Variants in DPH6 observed in about 807,000 individuals in gnomAD.
The protein encoded by DPH6 is diphthine--ammonia ligase.
DPH6 carries 33 observed loss-of-function variants against 38.2 expected under a neutral mutation model. The ratio of observed to expected loss-of-function variants is 0.86; its 90% confidence interval spans 0.65 to 1.15. The LOEUF is 1.15. Ranked by LOEUF, DPH6 falls within the 50% of genes most tolerant of loss-of-function variation. The pLI is 0.00. For missense variants in DPH6, 325 were observed against 320.0 expected (o/e 1.02, Z -0.12); for synonymous variants, 108 against 103.0 (o/e 1.05, Z -0.30).
intron 6 of DPH6, among the ~76,000 whole-genome samples, chr15:35,383,980 T>C (rs1035640491): frequency 1.3e-5 from 2 of 152,222 alleles, no homozygotes; most frequent in African/African-American, 2.4e-5. Flanking sequence ...AGTTTAGGTA[T>C]GTGAAGCATC....
chr15:35,237,894 A>T, intron 3 of DPH6: 1 of 1,425,034 alleles, frequency 7.0e-7, no homozygotes, highest in South Asian at 1.2e-5. Context: ...GAGGACGAGG[A>T]GGAGGAGGAA....
chr15:35,410,925 A>C, intron 5 of DPH6, 29 bp from the exon 6 acceptor site: 1 of 1,591,544 alleles, frequency 6.3e-7, no homozygotes, highest in African/African-American at 1.4e-5. Flanking sequence ...TTTTTTAAAG[A>C]TAACTATCAG....
At chr15:35,491,881 C>T (rs1005418233) in intron 3 of DPH6, among the ~76,000 whole-genome samples, 7 of 150,414 alleles carry the variant, frequency 4.7e-5, no homozygotes, top group Non-Finnish European at 1.0e-4. Flanking sequence ...TATATATATA[C>T]ACGTACATAT....
intron 1 of DPH6, 152 bp from the exon 2 acceptor site, chr15:35,542,659 CAAA>C: frequency 1.0e-5 from 7 of 675,844 alleles, no homozygotes; most frequent in Middle Eastern, 9.3e-4. Context: ...AAATCATAAA[CAAA>C]CTGAGCAACC....
intron 3 of DPH6, among the ~76,000 whole-genome samples, chr15:35,531,463 G>A (rs986485724): frequency 6.6e-6 from 1 of 151,986 alleles, no homozygotes; most frequent in African/African-American, 2.4e-5. Context: ...CCCTGTATCC[G>A]ATAATTACAT....
At chr15:35,346,359 T>C in intron 3 of DPH6, among the ~76,000 whole-genome samples, 1 of 152,060 alleles carries the variant, frequency 6.6e-6, no homozygotes, top group East Asian at 1.9e-4. Context: ...ACTATTCAGA[T>C]TTACCATATT....
intron 3 of DPH6, chr15:35,522,218 T>C (rs1308662656): frequency 6.2e-7 from 1 of 1,613,334 alleles, no homozygotes; most frequent in South Asian, 1.1e-5. Flanking sequence ...TTCAAATGCA[T>C]GTGAAAATCT....
intron 3 of DPH6, among the ~76,000 whole-genome samples, chr15:35,478,366 TACACACACACACACACACACAC>T (rs66521447): frequency 2.8e-5 from 4 of 142,060 alleles, no homozygotes; most frequent in Admixed American, 7.0e-5. Flanking sequence ...TACCCACACA[TACACACACACACACACACACAC>T]ACACACACAC....
At chr15:35,318,890 T>TG (rs1566868358) in intron 3 of DPH6, among the ~76,000 whole-genome samples, 1 of 152,206 alleles carries the variant, frequency 6.6e-6, no homozygotes, top group African/African-American at 2.4e-5. Context: ...ATCAAGGTCT[T>TG]GCATTTTAAA....
At position 35,436,514 on chromosome 15, in the gene DPH6, C is replaced by CAAAAAAAAAAAAAAAAAA. The variant is rs1277172991; in HGVS notation, c.505+14170_505+14171insTTTTTTTTTTTTTTTTTT. On this transcript the variant is annotated intron_variant, in intron 5 of 8. Transcript: ENST00000256538. The stretch of plus-strand genomic sequence containing the variant: ...CAAAACAAAACAAAACAAAACAAAA[C>CAAAAAAAAAAAAAAAAAA]AAAAAAGGTTCTCTCCCTGTTCGTC... Among the ~76,000 whole-genome samples the CAAAAAAAAAAAAAAAAAA allele has an allele frequency of 4.1e-5, 5 of 123,214 alleles. 1 individual carries two copies. The highest frequency in any genetic ancestry group is 1.7e-4 in the African/African-American group (5 of 30,072). The allele number at this position is 123,214 out of a possible 152,430, so 80.8% of individuals were successfully genotyped here.
intron 3 of DPH6, among the ~76,000 whole-genome samples, chr15:35,474,868 A>G (rs1462650404): frequency 2.0e-5 from 3 of 152,052 alleles, no homozygotes; most frequent in Non-Finnish European, 4.4e-5. Context: ...ACCTCGTGCT[A>G]CCTGCAAAGT....
Position 35,337,868 on chromosome 15 carries a change from A to T in DPH6, n.208-6791T>A, listed in dbSNP as rs1252039589. On this transcript the variant is annotated intron_variant and non_coding_transcript_variant, in intron 3 of 3. Transcript: ENST00000558973. The stretch of plus-strand genomic sequence containing the variant: ...AATGGAACAGAACAGAGCCCTCAGA[A>T]ATAATGCCACATATCTACAACTATC... 2.6e-5 allele frequency among the ~76,000 whole-genome samples: 4 copies of T among 152,082 alleles called. No individual in the cohort carries two copies. In the South Asian group the frequency reaches 6.2e-4, roughly 24 times the overall value.
intron 6 of DPH6, among the ~76,000 whole-genome samples, chr15:35,397,859 T>TTATATATATATATATA (rs60188110): frequency 3.6e-5 from 4 of 112,584 alleles, no homozygotes; most frequent in African/African-American, 1.5e-4. Context: ...TGGAATCAAT[T>TTATATATATATATATA]TATATATATA....
chr15:35,188,184 A>G, the DPH6 span, among the ~76,000 whole-genome samples: 6 of 152,186 alleles, frequency 3.9e-5, no homozygotes, highest in African/African-American at 1.4e-4. Context: ...AGAGAGAAAT[A>G]TCTGAAACTA....
At chr15:35,390,275 T>C (rs1443710679) in intron 6 of DPH6, among the ~76,000 whole-genome samples, 1 of 152,182 alleles carries the variant, frequency 6.6e-6, no homozygotes, top group African/African-American at 2.4e-5. Context: ...GCCCTTGACA[T>C]TTTTTCCTTC....
At chr15:35,169,896 C>T in the DPH6 span, among the ~76,000 whole-genome samples, 3 of 152,070 alleles carry the variant, frequency 2.0e-5, no homozygotes, top group Non-Finnish European at 4.4e-5. Context: ...TAGTTATTCA[C>T]TTTACTTTAG....
chr15:35,337,273 C>A (rs901047709), intron 3 of DPH6, among the ~76,000 whole-genome samples: 2 of 152,134 alleles, frequency 1.3e-5, no homozygotes, highest in Non-Finnish European at 2.9e-5. Flanking sequence ...GTTTGTATTT[C>A]TGTGGGAATG....
chr15:35,193,559 T>C, the DPH6 span, among the ~76,000 whole-genome samples: 16 of 152,224 alleles, frequency 1.1e-4, no homozygotes, highest in African/African-American at 2.9e-4. Flanking sequence ...GGTAGTTGCA[T>C]AGAAAGAACA....
At chr15:35,520,113 T>G (rs1034289960) in intron 3 of DPH6, 7 of 172,346 alleles carry the variant, frequency 4.1e-5, no homozygotes, top group African/African-American at 1.7e-4. Context: ...ACAGAAAGAA[T>G]GCAGTCTGTT....
Sources: gnomAD v4.1 joint callset for allele counts (sites outside exome capture counted in the v4.1 genomes callset) on GRCh38, gnomAD v4.1.1 for gene constraint, MANE v1.5 for transcripts, NCBI Gene and HGNC (gene_info 2026-07-23, HGNC 2026-07-21) for gene names.